The following DLG2 variants were observed in gnomAD, a reference collection of about 807,000 sequenced individuals.
DLG2 encodes the protein disks large homolog 2.
A neutral mutation model predicts 132.5 loss-of-function variants in DLG2; 45 were observed. That is an observed-to-expected ratio of 0.34 (90% CI 0.27 to 0.44). The LOEUF is 0.44. Among genes scored for constraint, DLG2 ranks in the 20% least tolerant of loss-of-function variants. The pLI is 1.00. For synonymous variants in DLG2, 424 were observed against 419.6 expected (o/e 1.01, Z -0.13); for missense variants, 1,045 against 1,196.9 (o/e 0.87, Z 1.87).
At chr11:84,089,919 T>A (rs1040433621) in intron 10 of DLG2, among the ~76,000 whole-genome samples, 1 of 152,154 alleles carries the variant, frequency 6.6e-6, no homozygotes, top group African/African-American at 2.4e-5. Flanking sequence ...CATTGCCAAG[T>A]GGAGGCTGTC....
intron 3 of DLG2, among the ~76,000 whole-genome samples, chr11:85,513,032 AC>A (rs1205620577): frequency 2.6e-5 from 4 of 151,980 alleles, no homozygotes; most frequent in African/African-American, 9.7e-5. Flanking sequence ...CAAAATCATG[AC>A]CTTTGCACCA....
Position 83,722,084 on chromosome 11 carries a change from C to T in DLG2, c.1825+64606G>A, listed in dbSNP as rs914278971. ...TTCCAAAGAAATATAATAATTTTCACTGTTTCTAATATTTTAAAGAATAGC... is the reference window on the plus strand; with the variant it reads ...TTCCAAAGAAATATAATAATTTTCATTGTTTCTAATATTTTAAAGAATAGC... On this transcript the variant is annotated intron_variant, in intron 18 of 27. Coordinates refer to ENST00000376104, the MANE Select transcript of DLG2 (RefSeq NM_001142699.3). Among the ~76,000 whole-genome samples, 9 of 152,144 alleles carry T rather than the reference C, an allele frequency of 5.9e-5. No individual in the cohort carries two copies. The South Asian group carries it at 1.7e-3, about 28-fold the overall frequency.
chr11:83,726,681 A>G (rs931756792), intron 18 of DLG2, among the ~76,000 whole-genome samples: 1 of 152,148 alleles, frequency 6.6e-6, no homozygotes, highest in African/African-American at 2.4e-5. Flanking sequence ...CAGGTCAGCC[A>G]CAAGTGGAAG....
intron 3 of DLG2, among the ~76,000 whole-genome samples, chr11:85,463,577 G>A (rs2092684289): frequency 6.6e-6 from 1 of 152,154 alleles, no homozygotes; most frequent in South Asian, 2.1e-4. Flanking sequence ...CCAGGAGTAT[G>A]AGACCAATCT....
rs1002856765 is a variant in DLG2 at position 85,060,320 on chromosome 11, CATA to C, written c.357+51338_357+51340del. On this transcript the variant is annotated intron_variant, in intron 6 of 27. Transcript: ENST00000376104. ...CTAAGTATATGTATATAATATATAA[CATA>C]AGCATATTATATACATATATGTATA... 6.7e-5 allele frequency among the ~76,000 whole-genome samples: 10 copies of C among 150,252 alleles called. 1 individual carries two copies. The highest frequency in any genetic ancestry group is 2.4e-4 in the African/African-American group (10 of 41,064).
chr11:83,688,488 C>T (rs1392481264), intron 18 of DLG2, among the ~76,000 whole-genome samples: 3 of 152,138 alleles, frequency 2.0e-5, no homozygotes, highest in Admixed American at 1.3e-4. Flanking sequence ...GGGAGATTTA[C>T]AGCAACTGGA....
chr11:84,121,268 A>G (rs1595679932), intron 9 of DLG2, among the ~76,000 whole-genome samples: 1 of 152,184 alleles, frequency 6.6e-6, no homozygotes, highest in African/African-American at 2.4e-5. Flanking sequence ...AAATGGGGTT[A>G]GTAATATTTT....
rs2092965112 is a variant in DLG2 at position 85,470,909 on chromosome 11, C to A, written c.40+127748G>T. 3.9e-5 allele frequency among the ~76,000 whole-genome samples: 6 copies of A among 152,186 alleles called. No individual in the cohort carries two copies. The South Asian group carries it at 1.2e-3, about 31-fold the overall frequency. Reference sequence around the variant, plus strand: ...TTACATTTCAAAGGAGGATAAGACACAGAGACATTCAGGCATTGTAAATCC... The same window carrying A: ...TTACATTTCAAAGGAGGATAAGACAAAGAGACATTCAGGCATTGTAAATCC... On this transcript the variant is annotated intron_variant, in intron 3 of 27. Transcript: ENST00000376104.
At chr11:85,581,327 C>A (rs1235543913) in intron 3 of DLG2, among the ~76,000 whole-genome samples, 1 of 151,964 alleles carries the variant, frequency 6.6e-6, no homozygotes, top group East Asian at 1.9e-4. Context: ...AGAACGCCTT[C>A]TCTGGCCAGG....
chr11:83,720,485 G>A (rs1283979942), intron 18 of DLG2, among the ~76,000 whole-genome samples: 1 of 151,684 alleles, frequency 6.6e-6, no homozygotes, highest in Non-Finnish European at 1.5e-5. Flanking sequence ...ACAACCTACA[G>A]ATGGAAGAAT....
intron 6 of DLG2, among the ~76,000 whole-genome samples, chr11:85,065,353 G>A (rs2064753842): frequency 6.6e-6 from 1 of 151,116 alleles, no homozygotes; most frequent in South Asian, 2.1e-4. Flanking sequence ...ACCCCTTGAT[G>A]GCTCCAGGTT....
chr11:85,446,793 A>ATGTG lies in DLG2; in HGVS notation c.40+151860_40+151863dup, dbSNP rs35097336. ...ACTCCAGTTTGAAGGGATATAGTAT[A>ATGTG]TGTGTGTGTGTGTGTGTGTGTGTGT... On this transcript the variant is annotated intron_variant, in intron 3 of 27. Transcript: ENST00000376104. Among the ~76,000 whole-genome samples, 1,316 of 145,190 alleles carry ATGTG rather than the reference A, an allele frequency of 9.1e-3. 8 individuals are homozygous for ATGTG. The highest frequency in any genetic ancestry group is 0.015 in the Admixed American group (214 of 14,454).
At chr11:85,461,419 A>G (rs900796519) in intron 3 of DLG2, among the ~76,000 whole-genome samples, 3 of 152,228 alleles carry the variant, frequency 2.0e-5, no homozygotes, top group Non-Finnish European at 4.4e-5. Flanking sequence ...AGAACACAAG[A>G]AAACTGACAT....
At chr11:85,092,322 T>C (rs1045484333) in intron 6 of DLG2, among the ~76,000 whole-genome samples, 12 of 152,186 alleles carry the variant, frequency 7.9e-5, no homozygotes, top group Middle Eastern at 3.2e-3. Context: ...TAGTCCTGAA[T>C]GTTATAATCC....
At chr11:85,156,609 C>T (rs1310209818) in intron 4 of DLG2, among the ~76,000 whole-genome samples, 1 of 152,180 alleles carries the variant, frequency 6.6e-6, no homozygotes, top group East Asian at 1.9e-4. Flanking sequence ...CTGACTGTAT[C>T]TCTCATGTAG....
At chr11:84,153,165 C>A (rs2095344904) in intron 9 of DLG2, among the ~76,000 whole-genome samples, 2 of 152,084 alleles carry the variant, frequency 1.3e-5, no homozygotes, top group South Asian at 4.2e-4. Flanking sequence ...GAAAACAGAC[C>A]CTCAATCTCT....
At chr11:85,505,071 G>C (rs1482040309) in intron 3 of DLG2, among the ~76,000 whole-genome samples, 1 of 152,132 alleles carries the variant, frequency 6.6e-6, no homozygotes, top group Non-Finnish European at 1.5e-5. Flanking sequence ...CATTGATTTT[G>C]TATCCTGAGA....
rs1303357379 is a variant in DLG2, at chr11:85,611,920, C to CAG, written c.-92-13134_-92-13133dup. On this transcript the variant is annotated intron_variant, in intron 2 of 27. Coordinates refer to ENST00000376104, the MANE Select transcript of DLG2 (RefSeq NM_001142699.3). The stretch of plus-strand genomic sequence containing the variant: ...GCTGGCAGAGGCAGGGAAAGACCAG[C>CAG]AGAGAGAGAGAGAGAGGAAGAGACA... 5.4e-3 allele frequency among the ~76,000 whole-genome samples: 802 copies of CAG among 147,658 alleles called. 9 individuals carry two copies. Among genetic ancestry groups the CAG allele is most frequent in the African/African-American group, 0.018 (742 of 40,190 alleles).
intron 19 of DLG2, among the ~76,000 whole-genome samples, chr11:83,620,795 A>G (rs977622009): frequency 9.5e-5 from 13 of 136,664 alleles, no homozygotes; most frequent in East Asian, 7.0e-4. Flanking sequence ...GCGTGAACCC[A>G]GGAGGCGGAG....
Sources: gnomAD v4.1 joint callset for allele counts (sites outside exome capture counted in the v4.1 genomes callset) on GRCh38, gnomAD v4.1.1 for gene constraint, MANE v1.5 for transcripts, NCBI Gene and HGNC (gene_info 2026-07-23, HGNC 2026-07-21) for gene names.